DNAI4: variants seen among roughly 807,000 people sequenced by gnomAD.
DNAI4 encodes the protein WD repeat domain 78.
Under a neutral mutation model 105.8 loss-of-function variants are expected in DNAI4, and 85 were observed. The ratio of observed to expected loss-of-function variants is 0.80; its 90% CI spans 0.67 to 0.96. DNAI4 has a LOEUF of 0.96. Among genes scored for constraint, DNAI4 ranks in the 40% least tolerant of loss-of-function variants. The pLI, the probability that DNAI4 is intolerant of heterozygous loss-of-function variation, is 0.00. For synonymous variants in DNAI4, 352 were observed against 331.5 expected (o/e 1.06, Z -0.67); for missense variants, 1,014 against 1,005.6 (o/e 1.01, Z -0.11).
intron 3 of DNAI4, 94 bp from the exon 4 acceptor site, chr1:66,891,360 C>T (rs983552948): frequency 1.5e-5 from 12 of 819,032 alleles, no homozygotes; most frequent in Non-Finnish European, 2.0e-5. Context: ...ATGGAGAAAT[C>T]AAATATACTA....
intron 1 of DNAI4, among the ~76,000 whole-genome samples, chr1:66,920,651 G>A (rs1210484483): frequency 2.6e-5 from 4 of 152,224 alleles, no homozygotes; most frequent in Middle Eastern, 3.4e-3. Context: ...GTGGAGCAGC[G>A]AGTGAGTGGA....
intron 2 of DNAI4, among the ~76,000 whole-genome samples, chr1:66,894,096 T>C (rs932201966): frequency 1.3e-5 from 2 of 152,338 alleles, no homozygotes; most frequent in South Asian, 2.1e-4. Flanking sequence ...CTACACTTTT[T>C]AATATTTTAG....
intron 1 of DNAI4, among the ~76,000 whole-genome samples, chr1:66,924,296 A>G (rs1211477538): frequency 2.0e-5 from 3 of 152,154 alleles, no homozygotes; most frequent in Non-Finnish European, 2.9e-5. Context: ...TCAGCCTCCC[A>G]AGTAGCTGGG....
At chr1:66,907,926 C>T (rs1276301392) in intron 1 of DNAI4, among the ~76,000 whole-genome samples, 1 of 152,150 alleles carries the variant, frequency 6.6e-6, no homozygotes, top group Non-Finnish European at 1.5e-5. Context: ...CTATTATGAC[C>T]TTCAGGCCCT....
chr1:66,899,353 T>C (rs570167650), intron 2 of DNAI4, among the ~76,000 whole-genome samples: 1 of 152,334 alleles, frequency 6.6e-6, no homozygotes, highest in East Asian at 1.9e-4. Flanking sequence ...GCTAACAACG[T>C]CCACCATATT....
At chr1:66,858,532 C>CAAAAAAAAAAAAAAAAAAAA (rs3033717) in intron 7 of DNAI4, among the ~76,000 whole-genome samples, 6 of 63,578 alleles carry the variant, frequency 9.4e-5, no homozygotes, top group African/African-American at 3.3e-4. Flanking sequence ...GACTCCGTCT[C>CAAAAAAAAAAAAAAAAAAAA]AAAAAAAAAA....
chr1:66,900,465 T>C (rs1275368542), intron 2 of DNAI4, among the ~76,000 whole-genome samples: 13 of 152,200 alleles, frequency 8.5e-5, no homozygotes, highest in East Asian at 1.9e-4. Context: ...CTGATAACAA[T>C]TGTGTTAAGT....
chr1:66,867,394 G>A (rs1245645314), intron 6 of DNAI4, among the ~76,000 whole-genome samples: 1 of 151,956 alleles, frequency 6.6e-6, no homozygotes, highest in Non-Finnish European at 1.5e-5. Flanking sequence ...TCTATTTTAG[G>A]AACCATTATT....
At chr1:66,835,183 C>A (rs1645954779) in intron 11 of DNAI4, among the ~76,000 whole-genome samples, 1 of 145,978 alleles carries the variant, frequency 6.9e-6, no homozygotes, top group South Asian at 2.2e-4. Flanking sequence ...GAACTTATAC[C>A]CTCCTTAGAC....
chr1:66,867,063 G>A (rs1646749701), intron 6 of DNAI4, among the ~76,000 whole-genome samples: 1 of 152,100 alleles, frequency 6.6e-6, no homozygotes, highest in Non-Finnish European at 1.5e-5. Context: ...CCACCCCCGT[G>A]ATTCAATTAT....
chr1:66,816,300 G>A (rs143511001), intron 16 of DNAI4, among the ~76,000 whole-genome samples: 18 of 152,032 alleles, frequency 1.2e-4, no homozygotes, highest in African/African-American at 2.9e-4. Context: ...CTCACGTCCC[G>A]GGGGCAGCCT....
At chr1:66,882,406 T>C (rs1051743065) in intron 4 of DNAI4, among the ~76,000 whole-genome samples, 2 of 152,230 alleles carry the variant, frequency 1.3e-5, no homozygotes, top group Non-Finnish European at 2.9e-5. Context: ...ACACAGATTT[T>C]TTCCTGATGT....
intron 4 of DNAI4, among the ~76,000 whole-genome samples, chr1:66,875,616 A>T (rs1358609816): frequency 6.6e-6 from 1 of 152,100 alleles, no homozygotes; most frequent in African/African-American, 2.4e-5. Flanking sequence ...TTATGTGGGT[A>T]ACAGCCATGA....
intron 4 of DNAI4, 42 bp from the exon 5 acceptor site, chr1:66,874,979 T>C: frequency 6.5e-7 from 1 of 1,537,926 alleles, no homozygotes; most frequent in South Asian, 1.2e-5. Flanking sequence ...CTAATTGCTA[T>C]TTTTAATTTG....
intron 2 of DNAI4, among the ~76,000 whole-genome samples, chr1:66,898,986 C>T (rs1004393864): frequency 1.3e-5 from 2 of 152,162 alleles, no homozygotes; most frequent in Non-Finnish European, 2.9e-5. Flanking sequence ...GGCTATACAA[C>T]ATTTTCTTTA....
At chr1:66,833,862 G>T in intron 12 of DNAI4, 129 bp downstream of exon 12, 1 of 1,387,928 alleles carries the variant, frequency 7.2e-7, no homozygotes, top group Non-Finnish European at 9.6e-7. Context: ...TAGCTGCTTA[G>T]AAAAACCATG....
chr1:66,915,593 ATTAT>A (rs1344683418), intron 1 of DNAI4, among the ~76,000 whole-genome samples: 31 of 152,350 alleles, frequency 2.0e-4, no homozygotes, highest in Admixed American at 1.2e-3. Context: ...TTGATATTTC[ATTAT>A]TTATTTTCCA....
intron 6 of DNAI4, among the ~76,000 whole-genome samples, chr1:66,870,133 T>TA (rs1646810184): frequency 6.6e-6 from 1 of 152,146 alleles, no homozygotes; most frequent in Non-Finnish European, 1.5e-5. Context: ...TGCTGCATAA[T>TA]AAAGGCAATT....
At chr1:66,923,015 T>C (rs553722211) in intron 1 of DNAI4, among the ~76,000 whole-genome samples, 1 of 152,308 alleles carries the variant, frequency 6.6e-6, no homozygotes, top group South Asian at 2.1e-4. Flanking sequence ...GAATCACATA[T>C]ACAATGGTGA....
Sources: allele counts gnomAD v4.1 joint callset (sites outside exome capture counted in the v4.1 genomes callset), GRCh38; gene constraint gnomAD v4.1.1; transcripts MANE v1.5; gene names NCBI Gene and HGNC (gene_info 2026-07-23, HGNC 2026-07-21).